Variants in ACTN4 observed in about 807,000 individuals in gnomAD.
ACTN4 encodes the protein alpha-actinin-4.
Under a neutral mutation model 114.2 loss-of-function variants are expected in ACTN4, and 18 were observed. That is an observed-to-expected ratio of 0.16 (90% CI 0.11 to 0.23). ACTN4 has a LOEUF of 0.23. ACTN4 is among the 10% of genes least tolerant of loss of function. The pLI, the probability that ACTN4 is intolerant of heterozygous loss-of-function variation, is 1.00. For synonymous variants in ACTN4, 515 were observed against 506.3 expected (o/e 1.02, Z -0.23); for missense variants, 722 against 1,262.9 (o/e 0.57, Z 6.49).
intron 1 of ACTN4, among the ~76,000 whole-genome samples, chr19:38,655,374 G>A (rs969769786): frequency 6.6e-6 from 1 of 152,196 alleles, no homozygotes; most frequent in African/African-American, 2.4e-5. Flanking sequence ...AGACCCACCA[G>A]CACCAAGCAG....
At chr19:38,710,468 C>T in intron 8 of ACTN4, 126 bp downstream of exon 8, 1 of 1,001,160 alleles carries the variant, frequency 1.0e-6, no homozygotes, top group South Asian at 1.3e-5. Flanking sequence ...TGGAAGCCAC[C>T]CCCAGCTCCC....
rs185410283 is a variant in ACTN4, at chr19:38,665,031, G to A, written c.162+17124G>A. Among the ~76,000 whole-genome samples, 168 of 152,282 alleles carry A rather than the reference G, an allele frequency of 1.1e-3. 1 individual carries two copies. Among genetic ancestry groups the A allele is most frequent in the Middle Eastern group, 6.8e-3 (2 of 294 alleles). Reference sequence around the variant, plus strand: ...CCCAGCCTACCCACCAAGATAGGAGGCAGCTCAGATGTCACTGGGATTCGC... The same window carrying A: ...CCCAGCCTACCCACCAAGATAGGAGACAGCTCAGATGTCACTGGGATTCGC... On this transcript the variant is annotated intron_variant, in intron 1 of 20. Coordinates refer to ENST00000252699, the MANE Select transcript of ACTN4 (RefSeq NM_004924.6).
chr19:38,682,412 G>A (rs1967606201), intron 1 of ACTN4, among the ~76,000 whole-genome samples: 1 of 151,986 alleles, frequency 6.6e-6, no homozygotes, highest in Admixed American at 6.6e-5. Flanking sequence ...TTGAACTCCT[G>A]GCCTCAAGCA....
At chr19:38,691,425 A>AAAAC (rs373006463) in intron 1 of ACTN4, among the ~76,000 whole-genome samples, 2 of 127,786 alleles carry the variant, frequency 1.6e-5, no homozygotes, top group East Asian at 4.8e-4. Context: ...CAAAAAAAAC[A>AAAAC]AAAAAAAAAA....
intron 1 of ACTN4, among the ~76,000 whole-genome samples, chr19:38,688,863 A>G (rs1374777081): frequency 2.0e-5 from 3 of 152,200 alleles, no homozygotes; most frequent in Non-Finnish European, 4.4e-5. Flanking sequence ...TCAAAGTGTA[A>G]TGTGGTGCAG....
intron 1 of ACTN4, among the ~76,000 whole-genome samples, chr19:38,656,502 G>A (rs990002948): frequency 3.3e-4 from 50 of 152,184 alleles, no homozygotes; most frequent in African/African-American, 1.2e-3. Context: ...GTGCCCTCCT[G>A]CTGAGTTAAC....
intron 3 of ACTN4, among the ~76,000 whole-genome samples, chr19:38,701,526 G>A (rs1201606924): frequency 2.0e-5 from 3 of 152,204 alleles, no homozygotes; most frequent in Admixed American, 6.5e-5. Flanking sequence ...TGCCCTGCCC[G>A]GTATCAGAGA....
Position 38,730,279 on chromosome 19 carries a change from C to T in ACTN4, c.*847C>T, listed in dbSNP as rs1383761085. The T allele has an allele frequency of 1.9e-5, 3 of 162,124 alleles. No homozygotes were observed. Among genetic ancestry groups the T allele is most frequent in the African/African-American group, 4.8e-5 (2 of 41,438 alleles). 10.0% of individuals were successfully genotyped at this position (162,124 alleles called of 1,614,324 possible). A position where few individuals can be genotyped will look rare whatever the true frequency, so the allele number is the denominator to read the frequency against. Reference sequence around the variant, plus strand: ...ACATATCTCTGCCGTCTCTCCTGCTCTCATAATGAAGACATAGCCGATTCT... The same window carrying T: ...ACATATCTCTGCCGTCTCTCCTGCTTTCATAATGAAGACATAGCCGATTCT... On this transcript the variant is annotated 3_prime_UTR_variant, in exon 21 of 21. Coordinates refer to ENST00000252699, the MANE Select transcript of ACTN4 (RefSeq NM_004924.6).
chr19:38,689,015 G>T (rs538986816), intron 1 of ACTN4, among the ~76,000 whole-genome samples: 1 of 152,108 alleles, frequency 6.6e-6, no homozygotes, highest in Admixed American at 6.6e-5. Flanking sequence ...GAGCCACCAC[G>T]CCCAGCCAAG....
At position 38,647,835 on chromosome 19, in the gene ACTN4, C is replaced by T; in HGVS notation, c.90C>T (p.Asp30=). The T allele has an allele frequency of 6.4e-7, 1 of 1,550,826 alleles. No individual in the cohort carries two copies. Among genetic ancestry groups the T allele is most frequent in the South Asian group, 1.2e-5 (1 of 84,376 alleles). The change falls in exon 1 of 21, where the codon GAC becomes GAT. Residue 30 remains aspartate (D), a synonymous_variant. Transcript: ENST00000252699. The stretch of plus-strand genomic sequence containing the variant: ...CTGGCGGCGGGGGCAGCATGGGCGA[C>T]TACATGGCCCAGGAGGACGACTGGG... ...NGAGGGGSMG[D]YMAQEDDWDR...
At chr19:38,675,431 C>A (rs543527220) in intron 1 of ACTN4, among the ~76,000 whole-genome samples, 2 of 152,262 alleles carry the variant, frequency 1.3e-5, no homozygotes, top group East Asian at 3.9e-4. Flanking sequence ...GGTGAGGTCT[C>A]ACCATGTTGC....
In ACTN4 at chr19:38,730,370, AGAGGTG is replaced by A. The variant is rs1969486097; in HGVS notation, c.*946_*951del. 5.3e-6 allele frequency: 1 copy of A among 187,256 alleles called. No individual in the cohort carries two copies. The highest frequency in any genetic ancestry group is 1.1e-5 in the Non-Finnish European group (1 of 88,628). 11.6% of individuals were successfully genotyped at this position (187,256 alleles called of 1,614,324 possible). A position where few individuals can be genotyped will look rare whatever the true frequency, so the allele number is the denominator to read the frequency against. ...GGGCGTGGGTCTCTGGGGACCCTCC[AGAGGTG>A]GAGGTGGGCTGATGGCCTGGCTGCC... On this transcript the variant is annotated 3_prime_UTR_variant, in exon 21 of 21. Transcript: ENST00000252699.
rs376084358 is a variant in ACTN4 at position 38,710,348 on chromosome 19, G to C, written c.819+6G>C. ...CCTTTTCAGGAGCGCAGAAGGTACC[G>C]AGCAGGGCCAGGCAGGCCCTCCTCG... is the stretch of plus-strand genomic sequence containing the variant. On this transcript the variant is annotated splice_donor_region_variant and intron_variant, in intron 8 of 20. Coordinates refer to ENST00000252699, the MANE Select transcript of ACTN4 (RefSeq NM_004924.6). 6.2e-7 allele frequency: 1 copy of C among 1,613,098 alleles called. No individual in the cohort carries two copies. The highest frequency in any genetic ancestry group is 8.5e-7 in the Non-Finnish European group (1 of 1,179,990).
intron 8 of ACTN4, among the ~76,000 whole-genome samples, chr19:38,712,895 C>CA (rs1224048482): frequency 6.6e-6 from 1 of 152,156 alleles, no homozygotes; most frequent in Non-Finnish European, 1.5e-5. Flanking sequence ...GACTGGCAGG[C>CA]AAGCCCAGGA....
Position 38,729,635 on chromosome 19 carries a change from G to A in ACTN4, c.*203G>A, listed in dbSNP as rs1055326511. 3 of 765,874 alleles carry A rather than the reference G, an allele frequency of 3.9e-6. No homozygotes were observed. The highest frequency in any genetic ancestry group is 4.0e-5 in the Admixed American group (2 of 50,002). The allele number at this position is 765,874 out of a possible 1,614,324, so 47.4% of individuals were successfully genotyped here. On this transcript the variant is annotated 3_prime_UTR_variant, in exon 21 of 21. Coordinates refer to ENST00000252699, the MANE Select transcript of ACTN4 (RefSeq NM_004924.6). ...CAGGAGGTTCCCCCGACCAGGTTGGGGAGACTTGGGGCCAGCGCTTCTGGT... is the reference window on the plus strand; with the variant it reads ...CAGGAGGTTCCCCCGACCAGGTTGGAGAGACTTGGGGCCAGCGCTTCTGGT...
At chr19:38,654,503 A>G (rs1044601237) in intron 1 of ACTN4, among the ~76,000 whole-genome samples, 1 of 151,268 alleles carries the variant, frequency 6.6e-6, no homozygotes, top group East Asian at 1.9e-4. Context: ...TGGAGGTTGC[A>G]GTCAGCTGAG....
At chr19:38,712,663 T>G (rs1173638895) in intron 8 of ACTN4, among the ~76,000 whole-genome samples, 2 of 151,666 alleles carry the variant, frequency 1.3e-5, no homozygotes, top group African/African-American at 4.9e-5. Flanking sequence ...TGACCCACAC[T>G]CCCGCGGGAG....
intron 1 of ACTN4, chr19:38,683,945 G>C (rs1338055679): frequency 6.6e-6 from 1 of 152,256 alleles, no homozygotes; most frequent in Admixed American, 6.5e-5. Context: ...GACTGCCCTT[G>C]GTTTTGTGTC....
In ACTN4 at chr19:38,727,247, C is replaced by G; in HGVS notation, c.2337+144C>G. On this transcript the variant is annotated intron_variant, in intron 18 of 20. Coordinates refer to ENST00000252699, the MANE Select transcript of ACTN4 (RefSeq NM_004924.6). The surrounding 1 kb of genome is among the most constrained non-coding windows in gnomAD (Gnocchi z 5.4). ...TCCCAGGGCCAGCAGGGCCCTGCCA[C>G]TGTCAGGGTGTAGGTGTGCGGCACC... The G allele has an allele frequency of 3.1e-6, 4 of 1,310,158 alleles. No individual in the cohort carries two copies. The highest frequency in any genetic ancestry group is 4.3e-6 in the Non-Finnish European group (4 of 935,338). The allele number at this position is 1,310,158 out of a possible 1,614,324, so 81.2% of individuals were successfully genotyped here.
Sources: allele counts gnomAD v4.1 joint callset (sites outside exome capture counted in the v4.1 genomes callset), GRCh38; gene constraint gnomAD v4.1.1; non-coding constraint Gnocchi (gnomAD v3.1); transcripts MANE v1.5; gene names NCBI Gene and HGNC (gene_info 2026-07-23, HGNC 2026-07-21).